The following POU6F2 variants were observed in gnomAD, a reference collection of about 807,000 sequenced individuals.
POU6F2 encodes POU class 6 homeobox 2, also known as POU domain, class 6, transcription factor 2.
A neutral mutation model predicts 71.3 loss-of-function variants in POU6F2; 31 were observed. The observed-to-expected ratio is 0.43, with a 90% CI of 0.33 to 0.59. The LOEUF (loss-of-function observed/expected upper bound fraction) is 0.59. Ranked by LOEUF, POU6F2 falls within the 20% of genes least tolerant of loss-of-function variation. The pLI, the probability that POU6F2 is intolerant of heterozygous loss-of-function variation, is 0.04. For missense variants in POU6F2, 783 were observed against 856.8 expected (o/e 0.91, Z 1.07); for synonymous variants, 347 against 355.7 (o/e 0.98, Z 0.27).
chr7:39,154,425 T>C (rs1034387496), intron 2 of POU6F2, among the ~76,000 whole-genome samples: 1 of 152,230 alleles, frequency 6.6e-6, no homozygotes, highest in African/African-American at 2.4e-5. Flanking sequence ...GCTTAGTTAC[T>C]AGCACAGCAA....
rs1225365503 is a variant in POU6F2, at chr7:39,015,858, T to TA, written c.105+37801dup. 4.5e-3 allele frequency among the ~76,000 whole-genome samples: 381 copies of TA among 84,370 alleles called. 3 individuals are homozygous for TA. The highest frequency in any genetic ancestry group is 5.0e-3 in the Non-Finnish European group (248 of 49,348). The allele number at this position is 84,370 out of a possible 152,430, so 55.3% of individuals were successfully genotyped here. A position where few individuals can be genotyped will look rare whatever the true frequency, so the allele number is the denominator to read the frequency against. On this transcript the variant is annotated intron_variant, in intron 1 of 9. Coordinates refer to ENST00000518318, the MANE Select transcript of POU6F2 (RefSeq NM_001370959.1). ...ATATAATATATTATATATAGATATA[T>TA]ATAATATATTATATATAGATATATA...
intron 1 of POU6F2, among the ~76,000 whole-genome samples, chr7:39,005,373 G>A (rs576047774): frequency 2.0e-5 from 3 of 152,168 alleles, no homozygotes; most frequent in African/African-American, 4.8e-5. Context: ...TATTTTTCAC[G>A]AATGCAGCCG....
chr7:39,085,644 G>A (rs1791223083), intron 1 of POU6F2: 1 of 490,398 alleles, frequency 2.0e-6, no homozygotes, highest in Non-Finnish European at 3.7e-6. Context: ...TTAATAGGGT[G>A]GGGAGTAATG....
At chr7:39,404,147 AT>A (rs1275069540) in intron 5 of POU6F2, among the ~76,000 whole-genome samples, 1 of 152,250 alleles carries the variant, frequency 6.6e-6, no homozygotes, top group Non-Finnish European at 1.5e-5. Context: ...AAACCTATAT[AT>A]TTGTGGTTGC....
chr7:39,002,113 G>A (rs1400614167), intron 1 of POU6F2: 2 of 152,122 alleles, frequency 1.3e-5, no homozygotes, highest in African/African-American at 4.8e-5. Context: ...AAGTTGTTTA[G>A]TCTTACCTTT....
intron 1 of POU6F2, among the ~76,000 whole-genome samples, chr7:39,009,447 A>C (rs548790662): frequency 5.3e-5 from 8 of 152,332 alleles, no homozygotes; most frequent in African/African-American, 1.9e-4. Context: ...TTTTCTAGAT[A>C]TACAATCATG....
intron 4 of POU6F2, among the ~76,000 whole-genome samples, chr7:39,330,905 T>A (rs1785632661): frequency 1.3e-5 from 2 of 152,210 alleles, no homozygotes; most frequent in Non-Finnish European, 2.9e-5. Context: ...TTTAAGTCTG[T>A]ACCCATTGAC....
intron 1 of POU6F2, among the ~76,000 whole-genome samples, chr7:39,010,435 T>TG (rs1789239137): frequency 4.6e-5 from 7 of 151,798 alleles, no homozygotes; most frequent in Non-Finnish European, 8.8e-5. Context: ...TTAGTCTTGC[T>TG]AGTGGTCTAT....
intron 2 of POU6F2, among the ~76,000 whole-genome samples, chr7:39,158,144 T>C (rs1196814684): frequency 6.6e-6 from 1 of 152,186 alleles, no homozygotes; most frequent in Non-Finnish European, 1.5e-5. Context: ...AATGTTGTGA[T>C]TGAGATTAAA....
chr7:39,441,634 G>C (rs1045821303), intron 7 of POU6F2, among the ~76,000 whole-genome samples: 4 of 152,162 alleles, frequency 2.6e-5, no homozygotes, highest in African/African-American at 9.7e-5. Flanking sequence ...GGAAGTGGAC[G>C]AGCATCAAAT....
At chr7:39,147,298 G>A (rs1017723926) in intron 2 of POU6F2, among the ~76,000 whole-genome samples, 2 of 152,144 alleles carry the variant, frequency 1.3e-5, no homozygotes, top group Non-Finnish European at 2.9e-5. Context: ...TTTTCTGTCT[G>A]ATAAAATTTC....
At chr7:39,376,480 T>C (rs754331763) in intron 5 of POU6F2, among the ~76,000 whole-genome samples, 20 of 152,206 alleles carry the variant, frequency 1.3e-4, no homozygotes, top group Non-Finnish European at 2.5e-4. Context: ...ATCTTAGTGC[T>C]GGCTCCATCA....
chr7:39,353,198 G>T (rs1786175232), intron 5 of POU6F2, among the ~76,000 whole-genome samples: 1 of 152,184 alleles, frequency 6.6e-6, no homozygotes, highest in African/African-American at 2.4e-5. Context: ...TGGGCTTTGG[G>T]AAGAAATCTC....
chr7:39,266,989 C>A (rs901431007), intron 4 of POU6F2, among the ~76,000 whole-genome samples: 1 of 152,056 alleles, frequency 6.6e-6, no homozygotes, highest in South Asian at 2.1e-4. Context: ...CCAACCTCTT[C>A]CCCTGCGTAG....
intron 4 of POU6F2, among the ~76,000 whole-genome samples, chr7:39,229,277 G>T (rs73378983): frequency 2.0e-5 from 3 of 152,324 alleles, no homozygotes; most frequent in Admixed American, 6.5e-5. Flanking sequence ...GTCTTTAAGA[G>T]CTGGCAAGCT....
chr7:39,184,632 C>T (rs550120570), intron 2 of POU6F2, among the ~76,000 whole-genome samples: 7 of 152,160 alleles, frequency 4.6e-5, no homozygotes, highest in Non-Finnish European at 7.3e-5. Context: ...TTACTAAGCC[C>T]GTGGCTGTCA....
At chr7:39,015,692 A>G (rs1350435629) in intron 1 of POU6F2, among the ~76,000 whole-genome samples, 1 of 100,456 alleles carries the variant, frequency 1.0e-5, no homozygotes, top group Admixed American at 1.4e-4. Context: ...TTATATATCT[A>G]TATATTATAT....
intron 4 of POU6F2, among the ~76,000 whole-genome samples, chr7:39,323,799 T>A (rs1475219358): frequency 6.6e-6 from 1 of 152,010 alleles, no homozygotes; most frequent in Non-Finnish European, 1.5e-5. Flanking sequence ...AGGCAAGAGA[T>A]TAGAGGTCAG....
intron 4 of POU6F2, among the ~76,000 whole-genome samples, chr7:39,269,971 A>G (rs1583487099): frequency 6.6e-6 from 1 of 152,342 alleles, no homozygotes; most frequent in East Asian, 1.9e-4. Context: ...AATATTTTCC[A>G]ATAATAGGAA....
Sources: gnomAD v4.1 joint callset for allele counts (sites outside exome capture counted in the v4.1 genomes callset) on GRCh38, gnomAD v4.1.1 for gene constraint, MANE v1.5 for transcripts, NCBI Gene and HGNC (gene_info 2026-07-23, HGNC 2026-07-21) for gene names.